ZNF362: variants seen among roughly 807,000 people sequenced by gnomAD.
ZNF362 encodes rotund homolog.
ZNF362 carries 11 observed loss-of-function variants against 42.9 expected under a neutral mutation model. That is an observed-to-expected ratio of 0.26 (90% CI 0.16 to 0.42). ZNF362 has a LOEUF of 0.42. Among genes scored for constraint, ZNF362 ranks in the 20% least tolerant of loss-of-function variants. ZNF362 has a pLI of 1.00. For synonymous variants in ZNF362, 255 were observed against 257.3 expected (o/e 0.99, Z 0.09); for missense variants, 362 against 576.2 (o/e 0.63, Z 3.81).
At chr1:33,157,034 C>G in the ZNF362 span, among the ~76,000 whole-genome samples, 19 of 150,198 alleles carry the variant, frequency 1.3e-4, no homozygotes, top group South Asian at 4.2e-4. Flanking sequence ...TCCTTCACCC[C>G]CTTCGGTCTA....
At chr1:33,200,870 G>A in the ZNF362 span, among the ~76,000 whole-genome samples, 3 of 152,092 alleles carry the variant, frequency 2.0e-5, no homozygotes, top group South Asian at 2.1e-4. Context: ...TTAAATTAGG[G>A]TGGGCCCTAA....
At chr1:33,277,689 G>A (rs553965639) in intron 4 of ZNF362, among the ~76,000 whole-genome samples, 1 of 152,306 alleles carries the variant, frequency 6.6e-6, no homozygotes, top group East Asian at 1.9e-4. Flanking sequence ...AGGACAGGAT[G>A]TAGGAGCATG....
chr1:33,218,469 C>T, the ZNF362 span, among the ~76,000 whole-genome samples: 2 of 152,106 alleles, frequency 1.3e-5, no homozygotes, highest in African/African-American at 4.8e-5. Flanking sequence ...TGATATTGCC[C>T]TCCAAAAAGC....
intron 6 of ZNF362, among the ~76,000 whole-genome samples, chr1:33,283,724 A>G (rs1266940473): frequency 6.6e-6 from 1 of 152,140 alleles, no homozygotes; most frequent in Non-Finnish European, 1.5e-5. Context: ...AAAATAATAA[A>G]AGAATAAAAT....
At chr1:33,175,624 T>G in the ZNF362 span, among the ~76,000 whole-genome samples, 2 of 152,110 alleles carry the variant, frequency 1.3e-5, no homozygotes, top group African/African-American at 4.8e-5. Context: ...GAATTCTGAG[T>G]CAGAAAGACC....
chr1:33,275,298 A>G (rs1645935310), intron 2 of ZNF362: 1 of 985,426 alleles, frequency 1.0e-6, no homozygotes, highest in Non-Finnish European at 1.2e-6. Flanking sequence ...AAGGCCTTCT[A>G]ACCGCACAGG....
At chr1:33,292,700 G>A (rs902622119) in intron 6 of ZNF362, among the ~76,000 whole-genome samples, 1 of 152,162 alleles carries the variant, frequency 6.6e-6, no homozygotes, top group African/African-American at 2.4e-5. Flanking sequence ...GTCTGGTCCT[G>A]GACTTGGTTG....
At chr1:33,169,155 G>A in the ZNF362 span, among the ~76,000 whole-genome samples, 1 of 152,144 alleles carries the variant, frequency 6.6e-6, no homozygotes, top group African/African-American at 2.4e-5. Context: ...TGCATGTGTT[G>A]GGGTGACAGT....
At chr1:33,159,880 C>T in the ZNF362 span, 28 of 1,611,716 alleles carry the variant, frequency 1.7e-5, 2 homozygotes, top group East Asian at 1.3e-4. This position sits in a 1 kb window ranked among gnomAD's most constrained non-coding sequence, Gnocchi z 4.2. Context: ...CTGGCGTTCA[C>T]GCAGCAGCCG....
chr1:33,193,250 G>A, the ZNF362 span, among the ~76,000 whole-genome samples: 1 of 152,184 alleles, frequency 6.6e-6, no homozygotes, highest in African/African-American at 2.4e-5. Flanking sequence ...ATTAGTATGG[G>A]TGTGAGAATT....
At chr1:33,193,004 C>CACACACACACACACACATATATAT in the ZNF362 span, among the ~76,000 whole-genome samples, 5 of 137,200 alleles carry the variant, frequency 3.6e-5, no homozygotes, top group South Asian at 5.0e-4. Flanking sequence ...CACACACACA[C>CACACACACACACACACATATATAT]ATATATATAT....
At chr1:33,227,275 C>T in the ZNF362 span, among the ~76,000 whole-genome samples, 1 of 152,152 alleles carries the variant, frequency 6.6e-6, no homozygotes, top group African/African-American at 2.4e-5. Flanking sequence ...GTCGATGCCC[C>T]ATCCCCTGGA....
chr1:33,204,415 C>G, the ZNF362 span, among the ~76,000 whole-genome samples: 1 of 152,220 alleles, frequency 6.6e-6, no homozygotes, highest in East Asian at 1.9e-4. Flanking sequence ...GTGATGCCTT[C>G]AACTTTGTTT....
intron 8 of ZNF362, among the ~76,000 whole-genome samples, chr1:33,298,209 A>T (rs1211520161): frequency 6.6e-6 from 1 of 152,160 alleles, no homozygotes; most frequent in Non-Finnish European, 1.5e-5. Context: ...CCAGTGGAGG[A>T]CATGATAGTA....
chr1:33,189,682 T>C, the ZNF362 span, among the ~76,000 whole-genome samples: 37 of 91,876 alleles, frequency 4.0e-4, 1 homozygote, highest in South Asian at 7.5e-3. Flanking sequence ...TGTATATATA[T>C]ACGTATATAT....
chr1:33,204,058 C>G, the ZNF362 span, among the ~76,000 whole-genome samples: 4 of 152,132 alleles, frequency 2.6e-5, no homozygotes, highest in Non-Finnish European at 5.9e-5. Context: ...AGGCCAAAGT[C>G]AAGGAGCTTT....
the ZNF362 span, among the ~76,000 whole-genome samples, chr1:33,156,737 G>A: frequency 1.3e-5 from 2 of 152,140 alleles, no homozygotes; most frequent in Non-Finnish European, 2.9e-5. Flanking sequence ...CATCCCTACT[G>A]CCTTTTCAGC....
the ZNF362 span, among the ~76,000 whole-genome samples, chr1:33,149,696 C>T: frequency 6.6e-6 from 1 of 152,190 alleles, no homozygotes. Flanking sequence ...CTCAAGTGAT[C>T]CTGCTGCCTC....
At chr1:33,138,635 A>AG in the ZNF362 span, among the ~76,000 whole-genome samples, 2 of 147,370 alleles carry the variant, frequency 1.4e-5, no homozygotes, top group African/African-American at 2.4e-5. Flanking sequence ...ACAAAAAAAA[A>AG]AAAAAAAAAA....
Sources: allele counts gnomAD v4.1 joint callset (sites outside exome capture counted in the v4.1 genomes callset), GRCh38; gene constraint gnomAD v4.1.1; non-coding constraint Gnocchi (gnomAD v3.1); transcripts MANE v1.5; gene names NCBI Gene and HGNC (gene_info 2026-07-23, HGNC 2026-07-21).